Variants in CROT observed in about 807,000 individuals in gnomAD.
CROT encodes the protein peroxisomal carnitine O-octanoyltransferase.
In CROT, 84 loss-of-function variants were observed where a neutral mutation model predicts 89.2. The observed-to-expected ratio is 0.94, with a 90% CI of 0.79 to 1.13. The LOEUF (loss-of-function observed/expected upper bound fraction) is 1.13. Among genes scored for constraint, CROT ranks in the 50% most tolerant of loss-of-function variants. The pLI is 0.00. For missense variants in CROT, 711 were observed against 727.8 expected, an observed-to-expected ratio of 0.98 and a Z score of 0.27; for synonymous variants, 212 against 239.5, an observed-to-expected ratio of 0.89 and a Z score of 1.06.
rs149326671 is a variant in CROT, at chr7:87,348,571, G to C, written c.-21-477G>C. On this transcript the variant is annotated intron_variant, in intron 2 of 17. Coordinates refer to ENST00000331536, the MANE Select transcript of CROT (RefSeq NM_021151.4). ...ATCTACCCACTAAGATTTACTGCAG[G>C]TTCCCTTACCTTCTATCATGTTGTT... is the stretch of plus-strand genomic sequence containing the variant. Among the ~76,000 whole-genome samples the C allele has an allele frequency of 7.4e-3, 1,132 of 152,208 alleles. 40 individuals carry two copies. The highest frequency in any genetic ancestry group is 0.067 in the Admixed American group (1,028 of 15,292).
rs575937638 is a variant in CROT, at chr7:87,353,407, C to T, written c.115+4224C>T. ...CAAGTGATCCGCCTGCCTCCAGTTC[C>T]CAACATGCTGGGATTACAGGTGTGA... On this transcript the variant is annotated intron_variant, in intron 3 of 17. Transcript: ENST00000331536. Among the ~76,000 whole-genome samples, 14 of 152,216 alleles carry T rather than the reference C, an allele frequency of 9.2e-5. No homozygotes were observed. The South Asian group carries it at 2.9e-3, about 32-fold the overall frequency.
intron 17 of CROT, among the ~76,000 whole-genome samples, chr7:87,397,342 CTCTT>C (rs1807566054): frequency 1.2e-5 from 1 of 81,420 alleles, no homozygotes; most frequent in African/African-American, 5.3e-5. Flanking sequence ...CAGAGTGAGA[CTCTT>C]TCTCAAAAAA....
chr7:87,370,399 TC>T (rs1307545567), intron 7 of CROT, among the ~76,000 whole-genome samples: 1 of 152,124 alleles, frequency 6.6e-6, no homozygotes, highest in African/African-American at 2.4e-5. Flanking sequence ...GCCAAGCTGG[TC>T]TTGAACTCCT....
intron 3 of CROT, among the ~76,000 whole-genome samples, chr7:87,358,834 A>C (rs1366634547): frequency 1.3e-5 from 2 of 152,166 alleles, no homozygotes; most frequent in African/African-American, 4.8e-5. Flanking sequence ...GTGCAGTTCA[A>C]ACTCGTGTTG....
rs1468120439 is a variant in CROT at position 87,391,713 on chromosome 7, G to A, written c.1425+1G>A. 1.3e-5 allele frequency: 21 copies of A among 1,602,716 alleles called. No individual in the cohort carries two copies. The highest frequency in any genetic ancestry group is 1.8e-5 in the Non-Finnish European group (21 of 1,176,606). On this transcript the variant is annotated splice_donor_variant, in intron 14 of 17. Transcript: ENST00000331536. LOFTEE classifies it high-confidence loss of function. ...GTCCATGCAGGATCCTTCTGTCAAT[G>A]TGAGTATTGGAAAGGAAAAAAACTC...
chr7:87,361,807 G>C lies in CROT; in HGVS notation c.502G>C (p.Val168Leu). Reference sequence around the variant, plus strand: ...CCGAATGCTATTTTCTACCTGCAAGGTTCCAGGAATTACTAGAGACTCCAT... The same window carrying C: ...CCGAATGCTATTTTCTACCTGCAAGCTTCCAGGAATTACTAGAGACTCCAT... The part of the protein sequence containing the change: ...QFRMLFSTCK[V>L]PGITRDSIMN... The change falls in exon 6 of 18, where the codon GTT becomes CTT. Residue 168 changes from valine (V) to leucine (L), a missense_variant. Coordinates refer to ENST00000331536, the MANE Select transcript of CROT (RefSeq NM_021151.4). 6.2e-7 allele frequency: 1 copy of C among 1,608,884 alleles called. No individual in the cohort carries two copies. Among genetic ancestry groups the C allele is most frequent in the Non-Finnish European group, 8.5e-7 (1 of 1,178,002 alleles).
intron 17 of CROT, among the ~76,000 whole-genome samples, chr7:87,394,720 C>A (rs1807469466): frequency 6.6e-6 from 1 of 151,908 alleles, no homozygotes. Flanking sequence ...TATAAAAAGG[C>A]ATACCTATAG....
Position 87,357,372 on chromosome 7 carries a change from C to A in CROT, c.116-1834C>A, listed in dbSNP as rs1365290079. On this transcript the variant is annotated intron_variant, in intron 3 of 17. Transcript: ENST00000331536. ...TAACCCAAATATTATACCCTAGAGACTCTAACCCCATTGGGCTAGAAATAT... is the reference window on the plus strand; with the variant it reads ...TAACCCAAATATTATACCCTAGAGAATCTAACCCCATTGGGCTAGAAATAT... 4 of 1,138,008 alleles carry A rather than the reference C, an allele frequency of 3.5e-6. No homozygotes were observed. In the African/African-American group the frequency reaches 4.6e-5, roughly 13 times the overall value. 70.5% of individuals were successfully genotyped at this position (1,138,008 alleles called of 1,614,324 possible). A position where few individuals can be genotyped will look rare whatever the true frequency, so the allele number is the denominator to read the frequency against.
At chr7:87,367,863 T>C (rs1806494453) in intron 6 of CROT, among the ~76,000 whole-genome samples, 1 of 152,194 alleles carries the variant, frequency 6.6e-6, no homozygotes. Flanking sequence ...TCTTAGATTG[T>C]TCTCACCTGG....
intron 17 of CROT, chr7:87,398,190 C>T (rs1055020600): frequency 2.3e-6 from 1 of 426,918 alleles, no homozygotes; most frequent in Non-Finnish European, 4.5e-6. Context: ...CATATTCCAA[C>T]TCATTCCAGT....
At position 87,392,694 on chromosome 7, in the gene CROT, T is replaced by A. The variant is rs553561956; in HGVS notation, c.1505-36T>A. ...CTTAAAAATCTCTCATGGTGAAAAA[T>A]TTTTTTCTAACCTGAGATTTGGGGT... is the stretch of plus-strand genomic sequence containing the variant. On this transcript the variant is annotated intron_variant, in intron 15 of 17. Coordinates refer to ENST00000331536, the MANE Select transcript of CROT (RefSeq NM_021151.4). 4.3e-6 allele frequency: 7 copies of A among 1,610,518 alleles called. No homozygotes were observed. In the South Asian group the frequency reaches 4.4e-5, roughly 10 times the overall value.
chr7:87,386,893 A>G (rs1807200029), intron 13 of CROT, among the ~76,000 whole-genome samples: 1 of 152,072 alleles, frequency 6.6e-6, no homozygotes, highest in Non-Finnish European at 1.5e-5. Flanking sequence ...ATAGGCAAAG[A>G]TGCTTCCCTT....
chr7:87,354,962 C>T (rs909870520), intron 3 of CROT, among the ~76,000 whole-genome samples: 1 of 152,144 alleles, frequency 6.6e-6, no homozygotes, highest in Non-Finnish European at 1.5e-5. Flanking sequence ...CTATGACATG[C>T]TTGGACTTTC....
At chr7:87,378,813 C>T (rs1257902753) in intron 10 of CROT, among the ~76,000 whole-genome samples, 2 of 152,128 alleles carry the variant, frequency 1.3e-5, no homozygotes. Context: ...TCATTCAAAC[C>T]ACTACAAAGT....
chr7:87,397,265 T>C (rs1807561421), intron 17 of CROT, among the ~76,000 whole-genome samples: 1 of 151,852 alleles, frequency 6.6e-6, no homozygotes, highest in South Asian at 2.1e-4. Flanking sequence ...GCACGAGAAT[T>C]GCTTCACACT....
chr7:87,372,007 CAA>C (rs61300907), intron 7 of CROT, among the ~76,000 whole-genome samples: 78 of 123,982 alleles, frequency 6.3e-4, no homozygotes, highest in Non-Finnish European at 9.6e-4. Flanking sequence ...AAAAAAAAAA[CAA>C]AAAAAAAAAA....
chr7:87,352,567 T>C (rs1805902776), intron 3 of CROT, among the ~76,000 whole-genome samples: 1 of 152,232 alleles, frequency 6.6e-6, no homozygotes, highest in Non-Finnish European at 1.5e-5. Flanking sequence ...CCATATAAAA[T>C]ACAACATTTT....
intron 10 of CROT, among the ~76,000 whole-genome samples, chr7:87,380,217 T>G (rs1003592638): frequency 4.6e-5 from 1 of 21,952 alleles, no homozygotes; most frequent in Non-Finnish European, 2.5e-4. Context: ...GAATATGTTC[T>G]TTTGTGATTA....
chr7:87,348,751 A>T (rs1251070318), intron 2 of CROT, among the ~76,000 whole-genome samples: 11 of 152,274 alleles, frequency 7.2e-5, no homozygotes, highest in Non-Finnish European at 5.9e-5. Context: ...TAGAGAGCTA[A>T]CACATGTTTT....
Sources: gnomAD v4.1 joint callset for allele counts (sites outside exome capture counted in the v4.1 genomes callset) on GRCh38, gnomAD v4.1.1 for gene constraint, MANE v1.5 for transcripts, NCBI Gene and HGNC (gene_info 2026-07-23, HGNC 2026-07-21) for gene names.